Variants in ZMYND11 observed in about 807,000 individuals in gnomAD.
The protein encoded by ZMYND11 is zinc finger MYND-type containing 11, also known as zinc finger MYND domain-containing protein 11.
In ZMYND11, 9 loss-of-function variants were observed where a neutral mutation model predicts 84.9. The observed-to-expected ratio is 0.11, with a 90% CI of 0.06 to 0.18. The LOEUF is 0.18. Among genes scored for constraint, ZMYND11 ranks in the 10% least tolerant of loss-of-function variants. The pLI is 1.00. For missense variants in ZMYND11, 409 were observed against 761.0 expected (o/e 0.54, Z 5.44); for synonymous variants, 250 against 244.1 (o/e 1.02, Z -0.23).
In ZMYND11 at chr10:145,544, C is replaced by T. The variant is rs113472250; in HGVS notation, c.-20+9985C>T. Among the ~76,000 whole-genome samples, 189 of 152,314 alleles carry T rather than the reference C, an allele frequency of 1.2e-3. 1 individual carries two copies. Among genetic ancestry groups the T allele is most frequent in the African/African-American group, 4.4e-3 (184 of 41,568 alleles). ...CGTAAGCATTCTCTTTTCTCCGCAT[C>T]CATGCCAACACCTATTGGTTTTTGA... On this transcript the variant is annotated intron_variant, in intron 1 of 14. Coordinates refer to ENST00000381604, the MANE Select transcript of ZMYND11 (RefSeq NM_001370100.5).
intron 3 of ZMYND11, chr10:218,422 G>T (rs973918957): frequency 3.6e-6 from 1 of 275,214 alleles, no homozygotes; most frequent in South Asian, 3.9e-5. Context: ...GTTAAGTAGC[G>T]AGACCAAGAT....
intron 4 of ZMYND11, among the ~76,000 whole-genome samples, chr10:222,196 A>G (rs1947250777): frequency 6.6e-6 from 1 of 152,042 alleles, no homozygotes; most frequent in African/African-American, 2.4e-5. Context: ...TAATTTAAGT[A>G]TTTTTTTGCT....
intron 2 of ZMYND11, among the ~76,000 whole-genome samples, chr10:196,037 A>G (rs1941644353): frequency 6.6e-6 from 1 of 152,180 alleles, no homozygotes; most frequent in Non-Finnish European, 1.5e-5. Flanking sequence ...TTCCCTGATG[A>G]CGTATATCTC....
intron 4 of ZMYND11, among the ~76,000 whole-genome samples, chr10:225,339 CGTT>C (rs1243685301): frequency 3.1e-4 from 38 of 122,796 alleles, no homozygotes; most frequent in Admixed American, 1.6e-3. Flanking sequence ...TTTTTGTTGT[CGTT>C]GTTTTTTTGT....
At chr10:246,377 A>G (rs1952168089) in intron 10 of ZMYND11, among the ~76,000 whole-genome samples, 1 of 152,258 alleles carries the variant, frequency 6.6e-6, no homozygotes, top group Non-Finnish European at 1.5e-5. Context: ...ATTAGTTTAC[A>G]GTATTCAGAA....
chr10:240,803 C>T lies in ZMYND11; in HGVS notation c.754-90C>T, dbSNP rs142501807. 1.1e-3 allele frequency: 1,128 copies of T among 986,050 alleles called. 6 individuals are homozygous for T. In the African/African-American group the frequency reaches 0.012, roughly 10 times the overall value. 61.1% of individuals were successfully genotyped at this position (986,050 alleles called of 1,614,324 possible). ...AACAAAATTCAACACTATTTATATACGTGAATGTTAATTTACATGGATACA... is the reference window on the plus strand; with the variant it reads ...AACAAAATTCAACACTATTTATATATGTGAATGTTAATTTACATGGATACA... On this transcript the variant is annotated intron_variant, in intron 8 of 14. Transcript: ENST00000381604.
chr10:254,196 G>C lies in ZMYND11; in HGVS notation c.*1726G>C, dbSNP rs1953987966. ...TTAAGACTTCGATCCACCCCTATGA[G>C]AGCAAGTAATTGTGGAAATATTTTT... On this transcript the variant is annotated 3_prime_UTR_variant, in exon 15 of 15. Transcript: ENST00000381604. 1 of 152,502 alleles carries C rather than the reference G, an allele frequency of 6.6e-6. No individual in the cohort carries two copies. Among genetic ancestry groups the C allele is most frequent in the Non-Finnish European group, 1.5e-5 (1 of 68,026 alleles). The allele number at this position is 152,502 out of a possible 1,614,324, so 9.4% of individuals were successfully genotyped here.
intron 1 of ZMYND11, among the ~76,000 whole-genome samples, chr10:146,087 C>T (rs1554755217): frequency 1.3e-5 from 2 of 152,108 alleles, no homozygotes; most frequent in African/African-American, 4.8e-5. Context: ...CAGTTTCATT[C>T]TTCTACGTAT....
Position 232,067 on chromosome 10 carries a change from A to G in ZMYND11, c.439-4771A>G, listed in dbSNP as rs117673250. Reference sequence around the variant, plus strand: ...ATAATTCTTCAAAGCCTGAGAAAGAATTGGATCAGAAATAATCTGTACATA... The same window carrying G: ...ATAATTCTTCAAAGCCTGAGAAAGAGTTGGATCAGAAATAATCTGTACATA... On this transcript the variant is annotated intron_variant, in intron 4 of 14. Coordinates refer to ENST00000381604, the MANE Select transcript of ZMYND11 (RefSeq NM_001370100.5). 3.9e-4 allele frequency among the ~76,000 whole-genome samples: 59 copies of G among 152,360 alleles called. 1 individual carries two copies. In the East Asian group the frequency reaches 0.01, roughly 26 times the overall value.
At chr10:223,133 G>A (rs149046503) in intron 4 of ZMYND11, among the ~76,000 whole-genome samples, 3,102 of 151,714 alleles carry the variant, frequency 0.02, 100 homozygotes, top group African/African-American at 0.07. Flanking sequence ...GGGTTCAAGT[G>A]ATTCTTCTGC....
intron 2 of ZMYND11, among the ~76,000 whole-genome samples, chr10:184,435 G>C (rs1848512812): frequency 6.6e-6 from 1 of 151,542 alleles, no homozygotes; most frequent in African/African-American, 2.4e-5. Flanking sequence ...TTCCTTCACT[G>C]CAACCTCTTT....
chr10:182,506 TGA>T (rs1848089270), intron 2 of ZMYND11, among the ~76,000 whole-genome samples: 1 of 151,634 alleles, frequency 6.6e-6, no homozygotes, highest in South Asian at 2.1e-4. Context: ...CATCTAAAGA[TGA>T]AAAAGAAAAA....
chr10:204,992 C>G (rs558118410), intron 2 of ZMYND11, among the ~76,000 whole-genome samples: 1 of 151,796 alleles, frequency 6.6e-6, no homozygotes. Context: ...GTTTTCTTAC[C>G]ATTACATGCT....
At chr10:241,158 C>T (rs1203327069) in intron 9 of ZMYND11, among the ~76,000 whole-genome samples, 188 bp downstream of exon 9, 1 of 151,940 alleles carries the variant, frequency 6.6e-6, no homozygotes, top group Non-Finnish European at 1.5e-5. Context: ...AAATGAGATA[C>T]TGAATAAAAA....
rs1321668378 is a variant in ZMYND11, at chr10:135,748, C to A, written c.-20+189C>A. 6.8e-6 allele frequency among the ~76,000 whole-genome samples: 1 copy of A among 146,944 alleles called. No homozygotes were observed. Among genetic ancestry groups the A allele is most frequent in the Non-Finnish European group, 1.5e-5 (1 of 65,992 alleles). On this transcript the variant is annotated intron_variant, in intron 1 of 14. Transcript: ENST00000381604. This position sits in a 1 kb window ranked among gnomAD's most constrained non-coding sequence, Gnocchi z 5.6. The stretch of plus-strand genomic sequence containing the variant: ...GGAGCTTTGTGGATGGCGGGGCGGG[C>A]CGGGCCGGCGGGGCCTGCGAGGGCG...
intron 3 of ZMYND11, among the ~76,000 whole-genome samples, chr10:217,763 G>A (rs1589032909): frequency 6.6e-6 from 1 of 152,062 alleles, no homozygotes; most frequent in Admixed American, 6.5e-5. Context: ...CGTGTAGACT[G>A]CGTACTATCA....
chr10:189,006 T>C (rs1489048326), intron 2 of ZMYND11, among the ~76,000 whole-genome samples: 1 of 152,188 alleles, frequency 6.6e-6, no homozygotes, highest in African/African-American at 2.4e-5. Flanking sequence ...ACACTGTGAG[T>C]AGTATGATTA....
chr10:243,966 T>C (rs1380870156), intron 10 of ZMYND11, among the ~76,000 whole-genome samples: 2 of 151,932 alleles, frequency 1.3e-5, no homozygotes, highest in Non-Finnish European at 2.9e-5. Flanking sequence ...TTCAGAGGTA[T>C]TTTTTTTCCG....
At chr10:236,813 T>C (rs1310468316) in intron 4 of ZMYND11, 25 bp from the exon 5 acceptor site, 7 of 1,591,614 alleles carry the variant, frequency 4.4e-6, no homozygotes, top group Admixed American at 3.4e-5. Context: ...TTTTGTACCT[T>C]TTTTTATTCT....
Sources: allele counts gnomAD v4.1 joint callset (sites outside exome capture counted in the v4.1 genomes callset), GRCh38; gene constraint gnomAD v4.1.1; non-coding constraint Gnocchi (gnomAD v3.1); transcripts MANE v1.5; gene names NCBI Gene and HGNC (gene_info 2026-07-23, HGNC 2026-07-21).